PTPRO: variants seen among roughly 807,000 people sequenced by gnomAD.
PTPRO encodes the protein protein tyrosine phosphatase receptor type O, also known as receptor-type tyrosine-protein phosphatase O.
A neutral mutation model predicts 145.2 loss-of-function variants in PTPRO; 62 were observed. The observed-to-expected ratio is 0.43, with a 90% confidence interval of 0.35 to 0.53. The LOEUF (loss-of-function observed/expected upper bound fraction) is 0.53. Ranked by LOEUF, PTPRO falls within the 20% of genes least tolerant of loss-of-function variation. PTPRO has a pLI of 0.01. For missense variants in PTPRO, 1,345 were observed against 1,482.7 expected, an observed-to-expected ratio of 0.91 and a Z score of 1.53; for synonymous variants, 565 against 514.7, an observed-to-expected ratio of 1.10 and a Z score of -1.32.
rs568602215 is a variant in PTPRO at position 15,368,461 on chromosome 12, T to C, written c.75+45660T>C. 5.9e-5 allele frequency among the ~76,000 whole-genome samples: 9 copies of C among 152,328 alleles called. No individual in the cohort carries two copies. The South Asian group carries it at 8.3e-4, about 14-fold the overall frequency. ...ACTGAATCACTGCATAATTGATTGA[T>C]TGATTGATTTTTATTGATTGTCTTC... On this transcript the variant is annotated intron_variant, in intron 1 of 26. Transcript: ENST00000281171.
intron 6 of PTPRO, among the ~76,000 whole-genome samples, chr12:15,506,119 T>G (rs1226579992): frequency 6.6e-6 from 1 of 152,194 alleles, no homozygotes; most frequent in African/African-American, 2.4e-5. Context: ...ATCAAGTCAG[T>G]CATAAGGTAA....
intron 1 of PTPRO, among the ~76,000 whole-genome samples, chr12:15,474,301 A>T (rs1941607313): frequency 6.6e-6 from 1 of 152,092 alleles, no homozygotes; most frequent in African/African-American, 2.4e-5. Context: ...GTCCTGTGTT[A>T]TTCTCCTCTT....
At chr12:15,505,510 A>C (rs1942303442) in intron 6 of PTPRO, among the ~76,000 whole-genome samples, 2 of 152,182 alleles carry the variant, frequency 1.3e-5, no homozygotes, top group South Asian at 2.1e-4. Flanking sequence ...TACTTTAAAG[A>C]GATGCATCTT....
Position 15,322,945 on chromosome 12 carries a change from G to A in PTPRO, c.75+144G>A. The A allele has an allele frequency of 1.3e-6, 1 of 770,484 alleles. No individual in the cohort carries two copies. Among genetic ancestry groups the A allele is most frequent in the Non-Finnish European group, 2.1e-6 (1 of 487,636 alleles). 47.7% of individuals were successfully genotyped at this position (770,484 alleles called of 1,614,324 possible). On this transcript the variant is annotated intron_variant, in intron 1 of 26. Transcript: ENST00000281171. The surrounding 1 kb of genome is among the most constrained non-coding windows in gnomAD (Gnocchi z 6.3). Reference sequence around the variant, plus strand: ...CGCCTGCCGTGCAGCCTGGGCGCACGCTTTGTTGTCCTCGCGTGTGCGTGT... The same window carrying A: ...CGCCTGCCGTGCAGCCTGGGCGCACACTTTGTTGTCCTCGCGTGTGCGTGT...
chr12:15,510,059 C>A (rs1462311187), intron 7 of PTPRO, among the ~76,000 whole-genome samples: 1 of 152,164 alleles, frequency 6.6e-6, no homozygotes, highest in East Asian at 1.9e-4. Context: ...AAATAATTAT[C>A]AATTCTTGTG....
intron 1 of PTPRO, among the ~76,000 whole-genome samples, chr12:15,388,142 A>AT (rs1939081783): frequency 1.3e-5 from 2 of 152,234 alleles, no homozygotes; most frequent in South Asian, 4.1e-4. Context: ...AGCACAAAAT[A>AT]TTTTTTAACC....
At chr12:15,551,505 C>G (rs763039405) in intron 14 of PTPRO, 46 bp from the exon 15 acceptor site, 2 of 1,606,500 alleles carry the variant, frequency 1.2e-6, no homozygotes, top group Admixed American at 1.7e-5. Context: ...CTGTTTGGTT[C>G]CCTGTAAGAG....
chr12:15,499,471 C>T lies in PTPRO; in HGVS notation c.538C>T (p.His180Tyr). 6.2e-7 allele frequency: 1 copy of T among 1,613,552 alleles called. No individual in the cohort carries two copies. The highest frequency in any genetic ancestry group is 8.5e-7 in the Non-Finnish European group (1 of 1,179,592). The change falls in exon 4 of 27, where the codon CAC becomes TAC. Residue 180 changes from histidine (H) to tyrosine (Y), a missense_variant. This residue lies in a region of PTPRO where 1,130 missense variants were observed against 1,214.7 expected (regional missense o/e 0.93). Transcript: ENST00000281171. ...DFFKGKTVFNHWLPGMCYSNI... is the reference protein window; with the variant it reads ...DFFKGKTVFNYWLPGMCYSNI... ...CTTTAAGGGAAAAACAGTATTTAATCACTGGCTGCCAGGAATGTGTTATAG... is the reference window on the plus strand; with the variant it reads ...CTTTAAGGGAAAAACAGTATTTAATTACTGGCTGCCAGGAATGTGTTATAG...
At chr12:15,364,947 C>T (rs1938317499) in intron 1 of PTPRO, among the ~76,000 whole-genome samples, 1 of 152,126 alleles carries the variant, frequency 6.6e-6, no homozygotes, top group Admixed American at 6.6e-5. Context: ...GAAACAATGC[C>T]ATTTTTAATG....
chr12:15,565,451 TA>T lies in PTPRO; in HGVS notation c.2712-139del, dbSNP rs200022207. ...TATTATCTTCTCATGTAAGGAAAAG[TA>T]AACAAACCTGATATGTGTTTAATGA... On this transcript the variant is annotated intron_variant, in intron 17 of 26. Coordinates refer to ENST00000281171, the MANE Select transcript of PTPRO (RefSeq NM_030667.3). 2.6e-3 allele frequency: 1,465 copies of T among 567,228 alleles called. 19 individuals are homozygous for T. The African/African-American group carries it at 0.034, about 13-fold the overall frequency. 35.1% of individuals were successfully genotyped at this position (567,228 alleles called of 1,614,324 possible). A position where few individuals can be genotyped will look rare whatever the true frequency, so the allele number is the denominator to read the frequency against.
At chr12:15,330,070 G>A (rs1866563181) in intron 1 of PTPRO, among the ~76,000 whole-genome samples, 1 of 152,196 alleles carries the variant, frequency 6.6e-6, no homozygotes, top group African/African-American at 2.4e-5. Context: ...AAGGATCTCT[G>A]TATTCTCTAG....
At chr12:15,422,573 A>T (rs963113106) in intron 1 of PTPRO, among the ~76,000 whole-genome samples, 2 of 152,168 alleles carry the variant, frequency 1.3e-5, no homozygotes, top group Admixed American at 1.3e-4. Flanking sequence ...CTATTCCTCC[A>T]GATAGTAGGG....
intron 12 of PTPRO, chr12:15,546,230 C>T: frequency 1.3e-6 from 1 of 764,712 alleles, no homozygotes; most frequent in South Asian, 4.1e-5. Flanking sequence ...ATTTTTGTTT[C>T]TCATCCAGGA....
intron 24 of PTPRO, among the ~76,000 whole-genome samples, chr12:15,588,969 A>G (rs1174020123): frequency 3.9e-5 from 6 of 152,358 alleles, no homozygotes; most frequent in South Asian, 4.1e-4. Context: ...CCACAACTCC[A>G]TACTTAAAAA....
chr12:15,584,114 C>T (rs1184980606), intron 23 of PTPRO, among the ~76,000 whole-genome samples: 1 of 152,130 alleles, frequency 6.6e-6, no homozygotes, highest in African/African-American at 2.4e-5. Flanking sequence ...CACAGCACAC[C>T]ATAGATAGTT....
At chr12:15,565,570 G>A (rs375552112) in intron 17 of PTPRO, 23 bp from the exon 18 acceptor site, 1 of 1,422,928 alleles carries the variant, frequency 7.0e-7, no homozygotes. Flanking sequence ...AGATAAATTT[G>A]TCTTTTCTTT....
intron 1 of PTPRO, among the ~76,000 whole-genome samples, chr12:15,376,826 A>G (rs186351685): frequency 9.8e-5 from 15 of 152,306 alleles, no homozygotes; most frequent in East Asian, 1.9e-4. Context: ...ATCACCTCCC[A>G]AAAGCCCCAC....
chr12:15,360,300 A>G (rs1323191735), intron 1 of PTPRO, among the ~76,000 whole-genome samples: 6 of 152,242 alleles, frequency 3.9e-5, no homozygotes, highest in Admixed American at 2.6e-4. Flanking sequence ...TTCAGAAAAT[A>G]TAAGAACACA....
intron 1 of PTPRO, among the ~76,000 whole-genome samples, chr12:15,349,274 G>C (rs150917326): frequency 6.6e-6 from 1 of 152,246 alleles, no homozygotes; most frequent in South Asian, 2.1e-4. Flanking sequence ...GCTAGATGGG[G>C]GTACGATTTA....
Sources: allele counts gnomAD v4.1 joint callset (sites outside exome capture counted in the v4.1 genomes callset), GRCh38; gene constraint gnomAD v4.1.1; regional missense constraint gnomAD v4.1.1; non-coding constraint Gnocchi (gnomAD v3.1); transcripts MANE v1.5; gene names NCBI Gene and HGNC (gene_info 2026-07-23, HGNC 2026-07-21).